The following IL1RAPL2 variants were observed in gnomAD, a reference collection of about 807,000 sequenced individuals.
The protein encoded by IL1RAPL2 is interleukin 1 receptor accessory protein like 2.
IL1RAPL2 carries 3 observed loss-of-function variants against 44.1 expected under a neutral mutation model. That is an observed-to-expected ratio of 0.07 (90% CI 0.03 to 0.18). The LOEUF is 0.18. IL1RAPL2 is among the 10% of genes least tolerant of loss of function. The pLI is 1.00. For missense variants in IL1RAPL2, 391 were observed against 496.4 expected (o/e 0.79, Z 2.02); for synonymous variants, 181 against 178.8 (o/e 1.01, Z -0.10).
chrX:104,871,684 T>C (rs989105782), intron 2 of IL1RAPL2, among the ~76,000 whole-genome samples: 1 of 111,436 alleles, frequency 9.0e-6, no homozygotes, highest in Non-Finnish European at 1.9e-5. Context: ...GATTCAAATA[T>C]GACACACAAA....
intron 6 of IL1RAPL2, among the ~76,000 whole-genome samples, chrX:105,615,191 G>A (rs1271059503): frequency 2.7e-5 from 3 of 111,332 alleles, no homozygotes; most frequent in Non-Finnish European, 3.8e-5. Context: ...AAATGCTGGC[G>A]AGGACACGGA....
intron 2 of IL1RAPL2, among the ~76,000 whole-genome samples, chrX:105,052,945 C>T: frequency 9.0e-6 from 1 of 110,995 alleles, no homozygotes; most frequent in East Asian, 2.9e-4. Flanking sequence ...GATTGTTCAA[C>T]TCCCTCTTAT....
chrX:105,670,105 G>GTATATATATATATATATATATATA (rs1171872748), intron 6 of IL1RAPL2, among the ~76,000 whole-genome samples: 1 of 11,686 alleles, frequency 8.6e-5, no homozygotes, highest in African/African-American at 2.3e-4. Context: ...TGGGTTTCCT[G>GTATATATATATATATATATATATA]TATATATATA....
chrX:105,758,339 AC>A (rs1290009306), intron 10 of IL1RAPL2, among the ~76,000 whole-genome samples: 1 of 111,249 alleles, frequency 9.0e-6, no homozygotes, highest in Non-Finnish European at 1.9e-5. Flanking sequence ...TACTACTCTC[AC>A]GGTATTCCAA....
At chrX:105,616,701 C>T (rs1189703616) in intron 6 of IL1RAPL2, among the ~76,000 whole-genome samples, 1 of 110,962 alleles carries the variant, frequency 9.0e-6, no homozygotes, top group Admixed American at 9.6e-5. Context: ...ATGGGTGTGG[C>T]AGATATTTTG....
chrX:105,363,387 A>G (rs2035268965), intron 5 of IL1RAPL2, among the ~76,000 whole-genome samples: 1 of 99,601 alleles, frequency 1.0e-5, no homozygotes, highest in Non-Finnish European at 2.0e-5. Flanking sequence ...GCTATTATAA[A>G]TAATGCAGCA....
chrX:105,203,501 A>G (rs182093422), intron 3 of IL1RAPL2, among the ~76,000 whole-genome samples: 2 of 86,424 alleles, frequency 2.3e-5, no homozygotes, highest in African/African-American at 4.5e-5. Flanking sequence ...TGTATCAATT[A>G]TATCTCAATA....
chrX:105,357,937 A>G (rs1020916050), intron 5 of IL1RAPL2, among the ~76,000 whole-genome samples: 4 of 103,032 alleles, frequency 3.9e-5, no homozygotes, highest in African/African-American at 1.4e-4. Flanking sequence ...GAGGAGGCTG[A>G]GTTGATAGGA....
chrX:105,318,092 C>A (rs748195238), intron 5 of IL1RAPL2, among the ~76,000 whole-genome samples: 2 of 109,741 alleles, frequency 1.8e-5, no homozygotes, highest in Non-Finnish European at 3.8e-5. Context: ...CCTGCCTCAG[C>A]CTCCCGAGTA....
chrX:105,219,020 G>A (rs781908901), intron 3 of IL1RAPL2: 38 of 1,209,156 alleles, frequency 3.1e-5, no homozygotes, highest in Admixed American at 4.4e-5. Flanking sequence ...GTATCCCTCC[G>A]TGAAAAATTC....
At chrX:105,621,148 C>T (rs777654489) in intron 6 of IL1RAPL2, among the ~76,000 whole-genome samples, 5 of 111,424 alleles carry the variant, frequency 4.5e-5, no homozygotes, top group Non-Finnish European at 9.5e-5. Context: ...TCTTTCGGCT[C>T]CCAAGGAAGA....
At chrX:104,647,916 T>G in intron 1 of IL1RAPL2, 1 of 656,276 alleles carries the variant, frequency 1.5e-6, no homozygotes, top group Non-Finnish European at 2.5e-6. Flanking sequence ...GCATCCACAT[T>G]ATATAAGGCA....
chrX:104,706,969 T>A (rs1233656158), intron 2 of IL1RAPL2, among the ~76,000 whole-genome samples: 1 of 111,804 alleles, frequency 8.9e-6, no homozygotes, highest in Non-Finnish European at 1.9e-5. Context: ...AATGGAAAAT[T>A]AATATATCCA....
intron 2 of IL1RAPL2, among the ~76,000 whole-genome samples, chrX:104,877,946 A>C (rs910210338): frequency 8.9e-6 from 1 of 112,336 alleles, no homozygotes; most frequent in Non-Finnish European, 1.9e-5. Context: ...GCCTCCACAC[A>C]GTAGCACATT....
At chrX:105,337,552 G>T (rs952891809) in intron 5 of IL1RAPL2, among the ~76,000 whole-genome samples, 1 of 112,003 alleles carries the variant, frequency 8.9e-6, no homozygotes, top group Non-Finnish European at 1.9e-5. Context: ...CCAAACCATG[G>T]GACAAATGAA....
intron 6 of IL1RAPL2, among the ~76,000 whole-genome samples, chrX:105,658,171 AAAT>A (rs1186554918): frequency 4.5e-5 from 5 of 110,831 alleles, no homozygotes; most frequent in Non-Finnish European, 9.4e-5. Flanking sequence ...TAGAAAAAAA[AAAT>A]AATTAACTCG....
chrX:105,147,749 G>A lies in IL1RAPL2; in HGVS notation c.83-47726G>A, dbSNP rs1026526113. ...TTGTTTATCCATTCATCTGTTTATG[G>A]ACATCTACATTGGTTCAACTTCTTG... On this transcript the variant is annotated intron_variant, in intron 2 of 10. Transcript: ENST00000372582. 3.6e-5 allele frequency among the ~76,000 whole-genome samples: 4 copies of A among 111,390 alleles called. No homozygotes were observed. The South Asian group carries it at 1.5e-3, about 42-fold the overall frequency.
At chrX:104,944,335 G>A (rs1925286038) in intron 2 of IL1RAPL2, among the ~76,000 whole-genome samples, 1 of 111,726 alleles carries the variant, frequency 9.0e-6, no homozygotes, top group Non-Finnish European at 1.9e-5. Flanking sequence ...TTTGGATTAT[G>A]ATAACATTTA....
intron 2 of IL1RAPL2, among the ~76,000 whole-genome samples, chrX:104,718,299 A>T (rs1931615731): frequency 9.0e-6 from 1 of 111,224 alleles, no homozygotes; most frequent in African/African-American, 3.3e-5. Flanking sequence ...CCGCCATTCT[A>T]ACTGGTGTGA....
Sources: allele counts gnomAD v4.1 joint callset (sites outside exome capture counted in the v4.1 genomes callset), GRCh38; gene constraint gnomAD v4.1.1; transcripts MANE v1.5; gene names NCBI Gene and HGNC (gene_info 2026-07-23, HGNC 2026-07-21).